Variants in PANX1 observed in about 807,000 individuals in gnomAD.
PANX1 encodes the protein pannexin 1.
Under a neutral mutation model 38.7 loss-of-function variants are expected in PANX1, and 30 were observed. The observed-to-expected ratio is 0.78, with a 90% confidence interval of 0.58 to 1.05. The LOEUF is 1.05. Among genes scored for constraint, PANX1 ranks in the 50% least tolerant of loss-of-function variants. The pLI, the probability that PANX1 is intolerant of heterozygous loss-of-function variation, is 0.00. For missense variants in PANX1, 551 were observed against 517.2 expected, an observed-to-expected ratio of 1.07 and a Z score of -0.63; for synonymous variants, 230 against 212.2, an observed-to-expected ratio of 1.08 and a Z score of -0.73.
At chr11:94,137,019 G>T (rs145546351) in intron 1 of PANX1, among the ~76,000 whole-genome samples, 30 of 151,742 alleles carry the variant, frequency 2.0e-4, no homozygotes, top group Middle Eastern at 3.4e-3. Flanking sequence ...ATGGGGGGAG[G>T]TGCTACACAT....
chr11:94,137,664 T>TG lies in PANX1; in HGVS notation c.181+8177dup, dbSNP rs1213506746. Among the ~76,000 whole-genome samples, 10 of 117,130 alleles carry TG rather than the reference T, an allele frequency of 8.5e-5. No homozygotes were observed. In the East Asian group the frequency reaches 2.1e-3, roughly 25 times the overall value. 76.8% of individuals were successfully genotyped at this position (117,130 alleles called of 152,430 possible). ...TTGGTACCAGGCACACCTAGTTCTG[T>TG]GGGGGGTGAAAGGGGTGGTGGGGAG... On this transcript the variant is annotated intron_variant, in intron 1 of 4. Transcript: ENST00000227638.
chr11:94,140,399 T>C (rs550804018), intron 1 of PANX1, among the ~76,000 whole-genome samples: 1 of 152,352 alleles, frequency 6.6e-6, no homozygotes, highest in Admixed American at 6.5e-5. Flanking sequence ...TCCCCAGAGG[T>C]AACTACTGTT....
rs1947305573 is a variant in PANX1 at position 94,181,439 on chromosome 11, G to T, written c.*570G>T. On this transcript the variant is annotated 3_prime_UTR_variant, in exon 5 of 5. Transcript: ENST00000227638. ...TCGAGCTCTCTTTACATTGTTAGTT[G>T]TCAACCTTGGCTGATGGAAATCCCG... 1 of 152,692 alleles carries T rather than the reference G, an allele frequency of 6.5e-6. No homozygotes were observed. The highest frequency in any genetic ancestry group is 2.4e-5 in the African/African-American group (1 of 41,444). The allele number at this position is 152,692 out of a possible 1,614,324, so 9.5% of individuals were successfully genotyped here.
At chr11:94,166,086 T>C (rs1947099191) in intron 2 of PANX1, among the ~76,000 whole-genome samples, 1 of 152,174 alleles carries the variant, frequency 6.6e-6, no homozygotes, top group Admixed American at 6.5e-5. Flanking sequence ...CGACTTCTTG[T>C]CACTTTATAT....
At chr11:94,153,700 A>G in intron 2 of PANX1, 70 bp downstream of exon 2, 1 of 1,438,444 alleles carries the variant, frequency 7.0e-7, no homozygotes. Context: ...CAGGGAGGCT[A>G]TGCCAAAGAC....
At chr11:94,162,428 C>G (rs1947053277) in intron 2 of PANX1, among the ~76,000 whole-genome samples, 1 of 152,202 alleles carries the variant, frequency 6.6e-6, no homozygotes, top group Admixed American at 6.5e-5. Context: ...GTGGACGCCC[C>G]TCCCCCAGCC....
chr11:94,133,230 C>G (rs1433962361), intron 1 of PANX1, among the ~76,000 whole-genome samples: 1 of 152,196 alleles, frequency 6.6e-6, no homozygotes, highest in African/African-American at 2.4e-5. Flanking sequence ...ATGGTAGGCA[C>G]TGGTGTGGGG....
chr11:94,166,776 C>T (rs757825397), intron 2 of PANX1, among the ~76,000 whole-genome samples: 1 of 152,140 alleles, frequency 6.6e-6, no homozygotes, highest in Non-Finnish European at 1.5e-5. Flanking sequence ...GTACTCTTTC[C>T]TCTCCTTTGC....
chr11:94,176,221 T>A (rs888396894), intron 2 of PANX1, among the ~76,000 whole-genome samples: 6 of 151,672 alleles, frequency 4.0e-5, no homozygotes, highest in Non-Finnish European at 7.3e-5. Context: ...TAAGTATGAA[T>A]AAAGAATTGG....
At chr11:94,157,442 G>T (rs980607857) in intron 2 of PANX1, among the ~76,000 whole-genome samples, 1 of 152,162 alleles carries the variant, frequency 6.6e-6, no homozygotes, top group Non-Finnish European at 1.5e-5. Flanking sequence ...ACTGGTGTGA[G>T]ATGGTATCTC....
chr11:94,170,288 C>G lies in PANX1; in HGVS notation c.322-8081C>G, dbSNP rs986500984. Among the ~76,000 whole-genome samples, 2 of 151,664 alleles carry G rather than the reference C, an allele frequency of 1.3e-5. 1 individual carries two copies. The highest frequency in any genetic ancestry group is 4.9e-5 in the African/African-American group (2 of 40,952). On this transcript the variant is annotated intron_variant, in intron 2 of 4. Coordinates refer to ENST00000227638, the MANE Select transcript of PANX1 (RefSeq NM_015368.4). ...CTCTGCATTTGTCTATTCTAGATAC[C>G]TCATATAAGTGAAACCATACAATAT... is the stretch of plus-strand genomic sequence containing the variant.
intron 2 of PANX1, among the ~76,000 whole-genome samples, chr11:94,169,616 AT>A (rs1163893405): frequency 6.6e-6 from 1 of 151,632 alleles, no homozygotes; most frequent in Non-Finnish European, 1.5e-5. Context: ...GAAGAGGGGA[AT>A]TTGGACACAG....
chr11:94,133,431 C>T (rs1342053044), intron 1 of PANX1, among the ~76,000 whole-genome samples: 1 of 152,140 alleles, frequency 6.6e-6, no homozygotes, highest in African/African-American at 2.4e-5. Flanking sequence ...GTCTTTGCGG[C>T]AGCCACTCAT....
At chr11:94,142,467 T>C (rs1946774407) in intron 1 of PANX1, among the ~76,000 whole-genome samples, 1 of 151,996 alleles carries the variant, frequency 6.6e-6, no homozygotes, top group African/African-American at 2.4e-5. Context: ...CTTGACTGTG[T>C]GCTCCAGACA....
chr11:94,172,022 A>G (rs988535725), intron 2 of PANX1, among the ~76,000 whole-genome samples: 1 of 151,386 alleles, frequency 6.6e-6, no homozygotes, highest in African/African-American at 2.5e-5. Context: ...GAAAAAAACA[A>G]TAAGAAAAAC....
chr11:94,152,932 T>C (rs1257995345), intron 1 of PANX1, among the ~76,000 whole-genome samples: 1 of 152,130 alleles, frequency 6.6e-6, no homozygotes, highest in Non-Finnish European at 1.5e-5. Context: ...TGTAAACCAG[T>C]TGGGCTGCAG....
intron 2 of PANX1, among the ~76,000 whole-genome samples, chr11:94,158,243 T>C (rs988392606): frequency 1.3e-5 from 2 of 152,096 alleles, no homozygotes; most frequent in African/African-American, 4.8e-5. Flanking sequence ...TCTTTTTTGG[T>C]TCCATATGAA....
intron 2 of PANX1, among the ~76,000 whole-genome samples, chr11:94,169,159 A>G (rs1376172227): frequency 6.6e-6 from 1 of 151,540 alleles, no homozygotes; most frequent in East Asian, 1.9e-4. Flanking sequence ...GTTTAAAGCT[A>G]TAGGAGTGGA....
At chr11:94,135,757 G>A (rs1284067970) in intron 1 of PANX1, among the ~76,000 whole-genome samples, 1 of 152,208 alleles carries the variant, frequency 6.6e-6, no homozygotes, top group African/African-American at 2.4e-5. Flanking sequence ...CTTTCACTAT[G>A]TGCTGAAGGT....
Sources: allele counts gnomAD v4.1 joint callset (sites outside exome capture counted in the v4.1 genomes callset), GRCh38; gene constraint gnomAD v4.1.1; transcripts MANE v1.5; gene names NCBI Gene and HGNC (gene_info 2026-07-23, HGNC 2026-07-21).